MUCL3: variants seen among roughly 807,000 people sequenced by gnomAD.
The protein encoded by MUCL3 is mucin-like protein 3.
MUCL3 carries 42 observed loss-of-function variants against 70.2 expected under a neutral mutation model. The ratio of observed to expected loss-of-function variants is 0.60; its 90% CI spans 0.47 to 0.77. The LOEUF is 0.77. Ranked by LOEUF, MUCL3 falls within the 30% of genes least tolerant of loss-of-function variation. MUCL3 has a pLI of 0.00. For synonymous variants in MUCL3, 522 were observed against 647.0 expected, an observed-to-expected ratio of 0.81 and a Z score of 2.93; for missense variants, 1,429 against 1,670.0, an observed-to-expected ratio of 0.86 and a Z score of 2.52.
intron 1 of MUCL3, among the ~76,000 whole-genome samples, chr6:30,941,432 C>A (rs969479500): frequency 1.7e-4 from 24 of 141,282 alleles, no homozygotes; most frequent in African/African-American, 6.4e-4. Flanking sequence ...ATGGTGATTT[C>A]TTTCTTCTTC....
At chr6:30,946,030 T>A (rs1287513568) in intron 1 of MUCL3, 2 of 152,222 alleles carry the variant, frequency 1.3e-5, no homozygotes, top group Non-Finnish European at 1.5e-5. Context: ...AAGTGATGAG[T>A]GCTGTGTTAT....
chr6:30,950,391 G>T lies in MUCL3; in HGVS notation c.1927G>T (p.Glu643Ter), dbSNP rs573058294. 1.9e-6 allele frequency: 3 copies of T among 1,550,244 alleles called. No homozygotes were observed. The highest frequency in any genetic ancestry group is 2.6e-6 in the Non-Finnish European group (3 of 1,146,584). The change falls in exon 2 of 3, where the codon GAA (glutamate) becomes TAA (stop). Residue 643 changes from glutamate (E) to a stop codon, truncating the protein, a stop_gained. Coordinates refer to ENST00000462446, the MANE Select transcript of MUCL3 (RefSeq NM_080870.4). LOFTEE classifies it high-confidence loss of function. Reference protein sequence around the residue: ...NTTPSPAGPTENREMTANEKT... With the variant: ...NTTPSPAGPT The stretch of plus-strand genomic sequence containing the variant: ...CACACCATCCCCAGCAGGGCCTACA[G>T]AAAATAGAGAAATGACAGCCAACGA...
In MUCL3 at chr6:30,951,337, C is replaced by A; in HGVS notation, c.2873C>A (p.Pro958Gln). The change falls in exon 2 of 3, where the codon CCA (proline) becomes CAA (glutamine). Residue 958 changes from proline (P) to glutamine (Q), a missense_variant. Coordinates refer to ENST00000462446, the MANE Select transcript of MUCL3 (RefSeq NM_080870.4). ...GCCAATGAGAAGGCCACACCATCCCCAGCAAAGCCTACAGAACATGGAGAA... is the reference window on the plus strand; with the variant it reads ...GCCAATGAGAAGGCCACACCATCCCAAGCAAAGCCTACAGAACATGGAGAA... ...RIANEKATPSPAKPTEHGETT... is the reference protein window; with the variant it reads ...RIANEKATPSQAKPTEHGETT... 6.5e-7 allele frequency: 1 copy of A among 1,545,802 alleles called. No individual in the cohort carries two copies. The highest frequency in any genetic ancestry group is 1.7e-4 in the Middle Eastern group (1 of 5,970).
intron 1 of MUCL3, among the ~76,000 whole-genome samples, chr6:30,947,079 C>A (rs910796287): frequency 6.6e-6 from 1 of 152,124 alleles, no homozygotes; most frequent in South Asian, 2.1e-4. Flanking sequence ...TTCTAAAGAG[C>A]CTTATGGAGC....
Position 30,952,324 on chromosome 6 carries a change from T to A in MUCL3, c.3860T>A (p.Ile1287Asn). ...ACATCTAGAACGAAGCTGAGTTCTA[T>A]CACATCAGAAGCCACAGGAAACGAG... Reference protein sequence around the residue: ...LITSRTKLSSITSEATGNESH... With the variant: ...LITSRTKLSSNTSEATGNESH... Residue 1287 changes from isoleucine (I) to asparagine (N), a missense_variant, in exon 2 of 3, where the codon ATC (isoleucine) becomes AAC (asparagine). Transcript: ENST00000462446. 6.2e-7 allele frequency: 1 copy of A among 1,614,132 alleles called. No individual in the cohort carries two copies. Among genetic ancestry groups the A allele is most frequent in the Non-Finnish European group, 8.5e-7 (1 of 1,180,008 alleles).
chr6:30,951,574 C>G lies in MUCL3; in HGVS notation c.3110C>G (p.Ser1037Cys), dbSNP rs1211216060. Residue 1037 changes from serine (S) to cysteine (C), a missense_variant, in exon 2 of 3, where the codon TCT (serine) becomes TGT (cysteine). Coordinates refer to ENST00000462446, the MANE Select transcript of MUCL3 (RefSeq NM_080870.4). Reference protein sequence around the residue: ...TPSANEKTIPSPAKPTEHEEM... With the variant: ...TPSANEKTIPCPAKPTEHEEM... ...TCAGCCAATGAGAAGACCATACCAT[C>G]TCCAGCAAAGCCTACAGAACACGAA... 1.9e-6 allele frequency: 3 copies of G among 1,550,910 alleles called. No individual in the cohort carries two copies. Among genetic ancestry groups the G allele is most frequent in the Non-Finnish European group, 2.6e-6 (3 of 1,146,202 alleles).
At chr6:30,943,151 G>A (rs1417552073) in intron 1 of MUCL3, among the ~76,000 whole-genome samples, 2 of 152,194 alleles carry the variant, frequency 1.3e-5, no homozygotes, top group Non-Finnish European at 2.9e-5. Context: ...CCATTCTGGT[G>A]AGGAGACCCT....
At chr6:30,948,018 A>G (rs1327401842) in intron 1 of MUCL3, among the ~76,000 whole-genome samples, 1 of 152,202 alleles carries the variant, frequency 6.6e-6, no homozygotes, top group Non-Finnish European at 1.5e-5. Context: ...TGAAGAGTCT[A>G]ACGTTTACTC....
In MUCL3 at chr6:30,948,807, C is replaced by A; in HGVS notation, c.343C>A (p.His115Asn). ...TIDHKSSTDN[H>N]EAPPTSEENS... ...AGACCACAAAAGCTCTACAGATAAT[C>A]ATGAGGCTCCTCCCACTTCTGAAGA... The change falls in exon 2 of 3, where the codon CAT (histidine) becomes AAT (asparagine). Residue 115 changes from histidine to asparagine, a missense_variant. By Grantham distance (68) the His-to-Asn change is moderately conservative. Transcript: ENST00000462446. 6.4e-7 allele frequency: 1 copy of A among 1,551,676 alleles called. No individual in the cohort carries two copies. The highest frequency in any genetic ancestry group is 2.4e-5 in the East Asian group (1 of 40,928).
chr6:30,953,200 CG>C lies in MUCL3; in HGVS notation c.*86del, dbSNP rs1760802597. 2.6e-6 allele frequency: 4 copies of C among 1,549,382 alleles called. No homozygotes were observed. Among genetic ancestry groups the C allele is most frequent in the Non-Finnish European group, 2.6e-6 (3 of 1,152,116 alleles). ...GAACCGGACTCACAATTTCTATTTCCGGGACTACAGGAAGGGCAGAGAATAC... is the reference window on the plus strand; with the variant it reads ...GAACCGGACTCACAATTTCTATTTCCGGACTACAGGAAGGGCAGAGAATAC... On this transcript the variant is annotated 3_prime_UTR_variant, in exon 3 of 3. Transcript: ENST00000462446.
intron 1 of MUCL3, among the ~76,000 whole-genome samples, chr6:30,941,334 A>T (rs1795562744): frequency 6.6e-6 from 1 of 152,110 alleles, no homozygotes; most frequent in African/African-American, 2.4e-5. Context: ...AAGTTTGCAT[A>T]AAGACACTGT....
At chr6:30,943,424 C>A (rs1795660429) in intron 1 of MUCL3, among the ~76,000 whole-genome samples, 1 of 151,720 alleles carries the variant, frequency 6.6e-6, no homozygotes, top group Non-Finnish European at 1.5e-5. Context: ...TCTGAGGGAG[C>A]ACAGGTGCAG....
In MUCL3 at chr6:30,952,412, G is replaced by T. The variant is rs921505615; in HGVS notation, c.3948G>T (p.Glu1316Asp). 17 of 1,614,068 alleles carry T rather than the reference G, an allele frequency of 1.1e-5. No individual in the cohort carries two copies. Among genetic ancestry groups the T allele is most frequent in the Non-Finnish European group, 1.4e-5 (17 of 1,179,986 alleles). The change falls in exon 2 of 3, where the codon GAG (glutamate) becomes GAT (aspartate). Residue 1316 changes from glutamate to aspartate, a missense_variant. Coordinates refer to ENST00000462446, the MANE Select transcript of MUCL3 (RefSeq NM_080870.4). The stretch of plus-strand genomic sequence containing the variant: ...GTATCCACGCTGGACAGATGGGAGA[G>T]AATGATTCATTCCCTGCATGGGCCA... ...QKGIHAGQMG[E>D]NDSFPAWAIV... is the part of the protein sequence containing the mutation.
intron 2 of MUCL3, 125 bp downstream of exon 2, chr6:30,952,624 G>T: frequency 9.2e-7 from 1 of 1,091,782 alleles, no homozygotes; most frequent in Non-Finnish European, 1.3e-6. Flanking sequence ...GGGAGGAACA[G>T]TAATAGAGGG....
chr6:30,950,138 G>C lies in MUCL3; in HGVS notation c.1674G>C (p.Glu558Asp), dbSNP rs566618553. 2 of 1,550,054 alleles carry C rather than the reference G, an allele frequency of 1.3e-6. No individual in the cohort carries two copies. Among genetic ancestry groups the C allele is most frequent in the South Asian group, 2.4e-5 (2 of 83,992 alleles). Reference protein sequence around the residue: ...ANEKTTPSPAEPTENGDRTPL... With the variant: ...ANEKTTPSPADPTENGDRTPL... ...AGAAGACCACACCATCCCCAGCAGAGCCTACAGAAAATGGAGACAGGACTC... is the reference window on the plus strand; with the variant it reads ...AGAAGACCACACCATCCCCAGCAGACCCTACAGAAAATGGAGACAGGACTC... The change falls in exon 2 of 3, where the codon GAG becomes GAC. Residue 558 changes from glutamate (E) to aspartate (D), a missense_variant. By Grantham distance (45) the Glu-to-Asp change is conservative. Transcript: ENST00000462446.
At position 30,943,585 on chromosome 6, in the gene MUCL3, G is replaced by T. The variant is rs56198109; in HGVS notation, c.82+2504G>T. ...GAGGGAGCACAGGTGCAGCCCAGATGAAATCATCTGAGGGAGCACAGGTGC... is the reference window on the plus strand; with the variant it reads ...GAGGGAGCACAGGTGCAGCCCAGATTAAATCATCTGAGGGAGCACAGGTGC... On this transcript the variant is annotated intron_variant, in intron 1 of 2. Coordinates refer to ENST00000462446, the MANE Select transcript of MUCL3 (RefSeq NM_080870.4). Among the ~76,000 whole-genome samples the T allele has an allele frequency of 7.5e-3, 1,133 of 150,192 alleles. 10 individuals are homozygous for T. Among genetic ancestry groups the T allele is most frequent in the Middle Eastern group, 0.01 (3 of 286 alleles).
Position 30,953,027 on chromosome 6 carries a change from T to C in MUCL3, c.4092T>C (p.Asp1364=), listed in dbSNP as rs565830437. ...RTLTQNTQYN[D]AEDEGGPNSY... Reference sequence around the variant, plus strand: ...TAACCCAGAACACCCAGTACAATGATGCAGAGGATGAGGGTGGCCCCAATT... The same window carrying C: ...TAACCCAGAACACCCAGTACAATGACGCAGAGGATGAGGGTGGCCCCAATT... Residue 1364 remains aspartate, a synonymous_variant, in exon 3 of 3, where the codon GAT becomes GAC. Transcript: ENST00000462446. 2 of 1,614,222 alleles carry C rather than the reference T, an allele frequency of 1.2e-6. No individual in the cohort carries two copies. The highest frequency in any genetic ancestry group is 2.2e-5 in the East Asian group (1 of 44,884).
At chr6:30,946,863 GT>G (rs1302450889) in intron 1 of MUCL3, among the ~76,000 whole-genome samples, 1 of 152,154 alleles carries the variant, frequency 6.6e-6, no homozygotes. Flanking sequence ...CATCTATAAA[GT>G]TTGGAGAATA....
At chr6:30,943,634 G>A (rs1795672952) in intron 1 of MUCL3, among the ~76,000 whole-genome samples, 1 of 152,258 alleles carries the variant, frequency 6.6e-6, no homozygotes, top group South Asian at 2.1e-4. Flanking sequence ...CCATCTGAGA[G>A]AGTACAGGTG....
Sources: allele counts gnomAD v4.1 joint callset (sites outside exome capture counted in the v4.1 genomes callset), GRCh38; gene constraint gnomAD v4.1.1; transcripts MANE v1.5; gene names NCBI Gene and HGNC (gene_info 2026-07-23, HGNC 2026-07-21).